Variants in KIFAP3 observed in about 807,000 individuals in gnomAD.
The protein encoded by KIFAP3 is kinesin-associated protein 3.
Under a neutral mutation model 106.5 loss-of-function variants are expected in KIFAP3, and 68 were observed. The ratio of observed to expected loss-of-function variants is 0.64; its 90% confidence interval spans 0.53 to 0.78. The LOEUF is 0.78. KIFAP3 is among the 30% of genes least tolerant of loss of function. The pLI is 0.00. For synonymous variants in KIFAP3, 320 were observed against 311.5 expected (o/e 1.03, Z -0.29); for missense variants, 780 against 941.8 (o/e 0.83, Z 2.25).
In KIFAP3 at chr1:170,003,108, TAAAC is replaced by T. The variant is rs1027266664; in HGVS notation, c.1184-10857_1184-10854del. 1.4e-4 allele frequency among the ~76,000 whole-genome samples: 21 copies of T among 152,166 alleles called. 2 individuals carry two copies. Among genetic ancestry groups the T allele is most frequent in the Admixed American group, 3.3e-4 (5 of 15,266 alleles). On this transcript the variant is annotated intron_variant, in intron 10 of 19. Transcript: ENST00000361580. ...TATTAAAGTACAATAAAAATGAAAT[TAAAC>T]AAAAGATATATAAAATAGAAGATGC...
In KIFAP3 at chr1:169,972,523, T is replaced by C; in HGVS notation, c.1973A>G (p.Asp658Gly). The C allele has an allele frequency of 7.1e-7, 1 of 1,407,152 alleles. No individual in the cohort carries two copies. Among genetic ancestry groups the C allele is most frequent in the Non-Finnish European group, 1.0e-6 (1 of 996,872 alleles). 87.2% of individuals were successfully genotyped at this position (1,407,152 alleles called of 1,614,324 possible). Residue 658 changes from aspartate (D) to glycine (G), a missense_variant, in exon 17 of 20, where the codon GAT (aspartate) becomes GGT (glycine). Coordinates refer to ENST00000361580, the MANE Select transcript of KIFAP3 (RefSeq NM_014970.4). ...EIRKVCDNTLDIIAEYDEEWA... is the reference protein window; with the variant it reads ...EIRKVCDNTLGIIAEYDEEWA... ...AAAATAATTACTTACCGCTATAATA[T>C]CTAATGTATTATCACAGACCTTTCG...
intron 1 of KIFAP3, chr1:170,068,266 T>C (rs1320738485): frequency 6.6e-6 from 1 of 152,102 alleles, no homozygotes; most frequent in African/African-American, 2.4e-5. Flanking sequence ...TCAAAGACTT[T>C]AAATCAACTG....
At chr1:169,996,720 C>T (rs900419815) in intron 10 of KIFAP3, among the ~76,000 whole-genome samples, 2 of 152,052 alleles carry the variant, frequency 1.3e-5, no homozygotes, top group Non-Finnish European at 2.9e-5. Flanking sequence ...CATCATCATT[C>T]CTTAGGGCGA....
At chr1:169,924,209 A>G (rs141521515) in intron 19 of KIFAP3, among the ~76,000 whole-genome samples, 1 of 152,322 alleles carries the variant, frequency 6.6e-6, no homozygotes, top group East Asian at 1.9e-4. Flanking sequence ...CTGGCCCTTG[A>G]GCACTGATGA....
At chr1:170,039,536 T>A (rs1412917375) in intron 3 of KIFAP3, among the ~76,000 whole-genome samples, 1 of 152,176 alleles carries the variant, frequency 6.6e-6, no homozygotes, top group Admixed American at 6.5e-5. Context: ...GGTTAACTTT[T>A]TGGGTATATA....
chr1:170,054,837 A>G (rs146166976), intron 2 of KIFAP3, among the ~76,000 whole-genome samples: 9,619 of 152,210 alleles, frequency 0.063, 388 homozygotes, highest in Non-Finnish European at 0.095. Flanking sequence ...GAGGGAGAGC[A>G]TTAGGACAAA....
chr1:170,078,951 A>G (rs1036801669), upstream of KIFAP3, among the ~76,000 whole-genome samples: 1 of 152,218 alleles, frequency 6.6e-6, no homozygotes, highest in South Asian at 2.1e-4. Flanking sequence ...GCTATGACCA[A>G]ATGGGGTTTA....
intron 2 of KIFAP3, among the ~76,000 whole-genome samples, chr1:170,051,712 A>C (rs568449653): frequency 7.2e-4 from 109 of 152,330 alleles, no homozygotes; most frequent in African/African-American, 2.5e-3. Context: ...ACATAACTAC[A>C]TGGAAACTGA....
chr1:170,005,295 C>G lies in KIFAP3; in HGVS notation c.1183+11167G>C, dbSNP rs1320932673. On this transcript the variant is annotated intron_variant, in intron 10 of 19. Coordinates refer to ENST00000361580, the MANE Select transcript of KIFAP3 (RefSeq NM_014970.4). The stretch of plus-strand genomic sequence containing the variant: ...TAGTTCAACCATTGTGGAAGACAGT[C>G]TGGTGATTCCTCAGGGATCTAGAAC... 7.2e-5 allele frequency among the ~76,000 whole-genome samples: 11 copies of G among 152,238 alleles called. No homozygotes were observed. The South Asian group carries it at 8.3e-4, about 11-fold the overall frequency.
At chr1:170,014,979 C>T (rs375802121) in intron 10 of KIFAP3, among the ~76,000 whole-genome samples, 159 of 152,210 alleles carry the variant, frequency 1.0e-3, no homozygotes, top group African/African-American at 3.7e-3. Flanking sequence ...TGCCCAAGGT[C>T]ACATGGTTAG....
chr1:170,064,490 A>G (rs1239472057), intron 1 of KIFAP3, among the ~76,000 whole-genome samples: 1 of 152,090 alleles, frequency 6.6e-6, no homozygotes, highest in Non-Finnish European at 1.5e-5. Context: ...AGTAGCTGGG[A>G]CTACAGGCAT....
chr1:169,995,660 G>T (rs12135699), intron 10 of KIFAP3, among the ~76,000 whole-genome samples: 1 of 152,022 alleles, frequency 6.6e-6, no homozygotes, highest in African/African-American at 2.4e-5. Context: ...GAATGAAACA[G>T]GAAGCTATTC....
chr1:170,041,045 G>A (rs556838377), intron 3 of KIFAP3, among the ~76,000 whole-genome samples: 3 of 151,926 alleles, frequency 2.0e-5, no homozygotes, highest in South Asian at 2.1e-4. Flanking sequence ...GGATGGTCTC[G>A]ATCTCTTGAC....
chr1:170,006,263 TC>T (rs1297981691), intron 10 of KIFAP3, among the ~76,000 whole-genome samples: 1 of 152,156 alleles, frequency 6.6e-6, no homozygotes, highest in Admixed American at 6.6e-5. Flanking sequence ...CATGCATTCA[TC>T]CCTCTAACCA....
chr1:169,944,204 C>T (rs183905304), intron 19 of KIFAP3, among the ~76,000 whole-genome samples: 4 of 152,196 alleles, frequency 2.6e-5, no homozygotes, highest in East Asian at 1.9e-4. Context: ...GGTGACCAAG[C>T]GCAGGGTCTG....
At position 169,955,913 on chromosome 1, in the gene KIFAP3, C is replaced by T. The variant is rs1664991227; in HGVS notation, c.2174-1803G>A. ...AATGAAATCATGGAAAATGACAAGA[C>T]ACCACAGACTGACAGTAAAGCAATG... is the stretch of plus-strand genomic sequence containing the variant. On this transcript the variant is annotated intron_variant, in intron 18 of 19. Transcript: ENST00000361580. 2.6e-5 allele frequency among the ~76,000 whole-genome samples: 4 copies of T among 152,038 alleles called. No individual in the cohort carries two copies. The South Asian group carries it at 6.2e-4, about 24-fold the overall frequency.
At chr1:170,069,734 T>G (rs1055238798) in intron 1 of KIFAP3, among the ~76,000 whole-genome samples, 9 of 152,034 alleles carry the variant, frequency 5.9e-5, no homozygotes, top group Non-Finnish European at 1.0e-4. Context: ...GAATGAAAGC[T>G]TTCCCCCTAA....
chr1:170,021,355 T>C (rs1412068935), intron 9 of KIFAP3, among the ~76,000 whole-genome samples: 2 of 151,046 alleles, frequency 1.3e-5, no homozygotes, highest in African/African-American at 2.4e-5. Context: ...ATTTTCCTTT[T>C]GGAAAAAAAA....
upstream of KIFAP3, among the ~76,000 whole-genome samples, chr1:170,078,445 TA>T (rs1671963120): frequency 6.6e-6 from 1 of 152,146 alleles, no homozygotes; most frequent in Admixed American, 6.5e-5. Flanking sequence ...GTTAAGTAGA[TA>T]AAGAGGACAA....
Sources: gnomAD v4.1 joint callset for allele counts (sites outside exome capture counted in the v4.1 genomes callset) on GRCh38, gnomAD v4.1.1 for gene constraint, MANE v1.5 for transcripts, NCBI Gene and HGNC (gene_info 2026-07-23, HGNC 2026-07-21) for gene names.